The following MTREX variants were observed in gnomAD, a reference collection of about 807,000 sequenced individuals.
MTREX encodes the protein exosome RNA helicase MTR4.
MTREX carries 76 observed loss-of-function variants against 135.4 expected under a neutral mutation model. That is an observed-to-expected ratio of 0.56 (90% CI 0.47 to 0.68). The LOEUF (loss-of-function observed/expected upper bound fraction) is 0.68. Among genes scored for constraint, MTREX ranks in the 30% least tolerant of loss-of-function variants. The probability of loss-of-function intolerance (pLI) is 0.00; values close to 1 mark genes in which losing one functional copy is unlikely to be tolerated. For synonymous variants in MTREX, 404 were observed against 401.6 expected (o/e 1.01, Z -0.07); for missense variants, 920 against 1,262.1 (o/e 0.73, Z 4.11).
At chr5:55,312,684 T>C (rs1749133989) in intron 1 of MTREX, among the ~76,000 whole-genome samples, 1 of 152,222 alleles carries the variant, frequency 6.6e-6, no homozygotes, top group Admixed American at 6.5e-5. Context: ...GTATTCTGTT[T>C]TATGCATATA....
intron 5 of MTREX, among the ~76,000 whole-genome samples, chr5:55,338,680 C>T (rs1251323400): frequency 6.7e-6 from 1 of 149,036 alleles, no homozygotes; most frequent in Non-Finnish European, 1.5e-5. Context: ...TTGATAATTT[C>T]TCTCAATTTA....
chr5:55,385,493 T>C (rs141202744), intron 18 of MTREX, among the ~76,000 whole-genome samples: 278 of 152,294 alleles, frequency 1.8e-3, no homozygotes, highest in Middle Eastern at 0.01. Flanking sequence ...AAGCAAGAGC[T>C]GCAGGGATAC....
chr5:55,364,420 T>C (rs1380775473), intron 15 of MTREX, among the ~76,000 whole-genome samples: 1 of 152,216 alleles, frequency 6.6e-6, no homozygotes, highest in Non-Finnish European at 1.5e-5. Context: ...TCTGCTATGA[T>C]GTATTATGTT....
chr5:55,308,455 A>C (rs1029872848), intron 1 of MTREX, among the ~76,000 whole-genome samples: 2 of 151,828 alleles, frequency 1.3e-5, no homozygotes, highest in African/African-American at 4.9e-5. Flanking sequence ...ATAGTCGTTA[A>C]TAAACAAAAC....
At chr5:55,382,331 A>T (rs908599413) in intron 18 of MTREX, among the ~76,000 whole-genome samples, 2 of 152,036 alleles carry the variant, frequency 1.3e-5, no homozygotes, top group African/African-American at 4.8e-5. Flanking sequence ...GTATGTGTAC[A>T]TGTATATATA....
intron 5 of MTREX, among the ~76,000 whole-genome samples, chr5:55,339,647 A>C (rs951466520): frequency 6.6e-6 from 1 of 152,224 alleles, no homozygotes; most frequent in African/African-American, 2.4e-5. Flanking sequence ...TTCATTTTCC[A>C]GGGGCTATAA....
intron 17 of MTREX, 151 bp from the exon 18 acceptor site, chr5:55,378,976 T>C (rs564100079): frequency 1.4e-4 from 82 of 574,374 alleles, no homozygotes; most frequent in Non-Finnish European, 2.1e-4. Flanking sequence ...AGGGTTGATA[T>C]CTTGTTTCTT....
chr5:55,311,074 G>GCA (rs1489507249), intron 1 of MTREX, among the ~76,000 whole-genome samples: 1 of 152,278 alleles, frequency 6.6e-6, no homozygotes, highest in Admixed American at 6.5e-5. Context: ...GAGCCACTGT[G>GCA]CACAGCCAGT....
intron 10 of MTREX, among the ~76,000 whole-genome samples, chr5:55,345,813 A>T (rs1579860953): frequency 6.6e-6 from 1 of 151,658 alleles, no homozygotes; most frequent in African/African-American, 2.4e-5. Context: ...GATTATAGGC[A>T]CCTGCCACCA....
intron 14 of MTREX, chr5:55,356,618 C>T: frequency 5.7e-6 from 1 of 174,592 alleles, no homozygotes; most frequent in Non-Finnish European, 1.2e-5. Flanking sequence ...TACTGGGTAG[C>T]CAGGGCTCAT....
At chr5:55,334,917 C>T (rs906228795) in intron 5 of MTREX, among the ~76,000 whole-genome samples, 3 of 152,002 alleles carry the variant, frequency 2.0e-5, no homozygotes, top group African/African-American at 7.2e-5. Flanking sequence ...GTTGAGGAGA[C>T]TGCTGAACTA....
At chr5:55,386,326 T>C (rs948824031) in intron 18 of MTREX, among the ~76,000 whole-genome samples, 3 of 152,118 alleles carry the variant, frequency 2.0e-5, no homozygotes, top group South Asian at 2.1e-4. Context: ...AGTTCAGTTA[T>C]ACTGTTAGGA....
chr5:55,390,429 C>T (rs568244403), intron 19 of MTREX, among the ~76,000 whole-genome samples: 14 of 152,162 alleles, frequency 9.2e-5, no homozygotes, highest in Admixed American at 1.3e-4. Flanking sequence ...AGTGACTTTT[C>T]CTTGTATCTA....
chr5:55,339,281 A>T (rs770115064), intron 5 of MTREX, among the ~76,000 whole-genome samples: 18 of 151,752 alleles, frequency 1.2e-4, no homozygotes, highest in Non-Finnish European at 2.1e-4. Flanking sequence ...CTTTTTGTGT[A>T]TGTTTCTTGT....
chr5:55,328,041 C>T (rs960135243), intron 4 of MTREX, among the ~76,000 whole-genome samples: 1 of 152,014 alleles, frequency 6.6e-6, no homozygotes, highest in Admixed American at 6.6e-5. Flanking sequence ...CAACCTTTCT[C>T]CAGAAAAAAA....
chr5:55,408,495 A>C (rs913486258), intron 22 of MTREX, among the ~76,000 whole-genome samples: 1 of 152,144 alleles, frequency 6.6e-6, no homozygotes, highest in African/African-American at 2.4e-5. Context: ...TAGAGACCCA[A>C]ATTTAGTTTT....
intron 22 of MTREX, among the ~76,000 whole-genome samples, chr5:55,409,218 G>T (rs1274619108): frequency 6.6e-6 from 1 of 151,986 alleles, no homozygotes; most frequent in Non-Finnish European, 1.5e-5. Flanking sequence ...TCCCAAATGA[G>T]CCAGGAGCCA....
chr5:55,384,281 C>T (rs908105783), intron 18 of MTREX, among the ~76,000 whole-genome samples: 3 of 152,196 alleles, frequency 2.0e-5, no homozygotes, highest in African/African-American at 7.2e-5. Flanking sequence ...TAGTTCAGAT[C>T]TACTGTTGGG....
intron 5 of MTREX, among the ~76,000 whole-genome samples, chr5:55,338,208 T>C (rs1749584665): frequency 6.6e-6 from 1 of 152,184 alleles, no homozygotes; most frequent in Non-Finnish European, 1.5e-5. Context: ...AGGTTTTTAA[T>C]AAATATTTCT....
Sources: gnomAD v4.1 joint callset for allele counts (sites outside exome capture counted in the v4.1 genomes callset) on GRCh38, gnomAD v4.1.1 for gene constraint, MANE v1.5 for transcripts, NCBI Gene and HGNC (gene_info 2026-07-23, HGNC 2026-07-21) for gene names.